Variants in STXBP5L observed in about 807,000 individuals in gnomAD.
STXBP5L encodes the protein syntaxin binding protein 5L.
STXBP5L carries 65 observed loss-of-function variants against 144.5 expected under a neutral mutation model. The observed-to-expected ratio is 0.45, with a 90% CI of 0.37 to 0.55. STXBP5L has a LOEUF of 0.55. Among genes scored for constraint, STXBP5L ranks in the 20% least tolerant of loss-of-function variants. The pLI is 0.00. For missense variants in STXBP5L, 1,298 were observed against 1,405.5 expected, an observed-to-expected ratio of 0.92 and a Z score of 1.22; for synonymous variants, 505 against 469.6, an observed-to-expected ratio of 1.08 and a Z score of -0.97.
intron 5 of STXBP5L, among the ~76,000 whole-genome samples, chr3:121,110,387 G>C (rs1019367166): frequency 6.6e-5 from 10 of 152,186 alleles, no homozygotes; most frequent in African/African-American, 2.4e-4. Flanking sequence ...TTCATATTTA[G>C]TGCTTCCTTT....
intron 19 of STXBP5L, among the ~76,000 whole-genome samples, chr3:121,295,127 A>G (rs1415262576): frequency 2.0e-5 from 3 of 152,108 alleles, no homozygotes; most frequent in Non-Finnish European, 4.4e-5. Context: ...AGAAAAGAGC[A>G]TATTTTTAAT....
intron 22 of STXBP5L, among the ~76,000 whole-genome samples, chr3:121,396,029 G>C (rs4107754): frequency 0.79 from 120,269 of 152,208 alleles, 47,655 homozygotes; most frequent in East Asian, 0.89. Context: ...CAAGCATAAC[G>C]TCTACTCCAA....
At chr3:121,292,404 G>T (rs1389645940) in intron 19 of STXBP5L, among the ~76,000 whole-genome samples, 1 of 152,112 alleles carries the variant, frequency 6.6e-6, no homozygotes. Flanking sequence ...TGTTAGCATG[G>T]ATATAGTGAA....
intron 3 of STXBP5L, among the ~76,000 whole-genome samples, chr3:121,016,135 CTA>C (rs1945132649): frequency 6.6e-6 from 1 of 152,130 alleles, no homozygotes; most frequent in South Asian, 2.1e-4. Context: ...CGTAAATACT[CTA>C]AAGGTCATTT....
At chr3:120,973,218 G>A (rs555431064) in intron 3 of STXBP5L, among the ~76,000 whole-genome samples, 1 of 152,000 alleles carries the variant, frequency 6.6e-6, no homozygotes, top group South Asian at 2.1e-4. Context: ...ATTTTCGTAG[G>A]AGATTCTTAA....
intron 9 of STXBP5L, 66 bp downstream of exon 9, chr3:121,157,693 G>A: frequency 6.5e-7 from 1 of 1,547,796 alleles, no homozygotes. Context: ...AAGTAAGAGA[G>A]ATGGTATTAA....
At chr3:121,051,903 G>C (rs1021209548) in intron 5 of STXBP5L, among the ~76,000 whole-genome samples, 2 of 151,996 alleles carry the variant, frequency 1.3e-5, no homozygotes, top group African/African-American at 4.8e-5. Context: ...TGATAAAGGG[G>C]ATATCACCAC....
intron 19 of STXBP5L, among the ~76,000 whole-genome samples, chr3:121,307,271 A>G (rs908872473): frequency 1.6e-4 from 25 of 152,206 alleles, no homozygotes; most frequent in Admixed American, 9.8e-4. Flanking sequence ...AGACTTGCAA[A>G]GAAACAAAGT....
intron 8 of STXBP5L, among the ~76,000 whole-genome samples, chr3:121,156,311 T>C (rs959991640): frequency 3.3e-5 from 5 of 152,016 alleles, no homozygotes; most frequent in Admixed American, 3.3e-4. Context: ...TTGGAAATTT[T>C]AGTTGTATGT....
At chr3:121,414,023 A>G (rs1456710484) in intron 24 of STXBP5L, among the ~76,000 whole-genome samples, 1 of 152,126 alleles carries the variant, frequency 6.6e-6, no homozygotes, top group Non-Finnish European at 1.5e-5. Flanking sequence ...TCTACTTTGG[A>G]GCATTGTTGT....
chr3:121,405,565 C>T (rs886607083), intron 22 of STXBP5L, among the ~76,000 whole-genome samples: 2 of 152,136 alleles, frequency 1.3e-5, no homozygotes, highest in Non-Finnish European at 2.9e-5. Context: ...AAGTACACTC[C>T]TAGCCAGTGA....
At chr3:121,372,604 G>T (rs779203736) in intron 20 of STXBP5L, among the ~76,000 whole-genome samples, 1 of 152,134 alleles carries the variant, frequency 6.6e-6, no homozygotes, top group Non-Finnish European at 1.5e-5. Context: ...GGAACAAGTC[G>T]TGGTGTGTGG....
Position 121,191,321 on chromosome 3 carries a change from C to T in STXBP5L, c.878-14602C>T, listed in dbSNP as rs530160884. Among the ~76,000 whole-genome samples the T allele has an allele frequency of 1.2e-3, 187 of 152,266 alleles. 1 individual carries two copies. Among genetic ancestry groups the T allele is most frequent in the African/African-American group, 4.1e-3 (172 of 41,574 alleles). ...GGGAGGCTGAGGCTGGCAGATCACT[C>T]GCGGTCAGGAGCTGGAGACCAGCCC... On this transcript the variant is annotated intron_variant, in intron 9 of 26. Coordinates refer to ENST00000471454, the MANE Select transcript of STXBP5L (RefSeq NM_001308330.2).
At chr3:121,221,117 G>A (rs1265772897) in intron 10 of STXBP5L, among the ~76,000 whole-genome samples, 1 of 151,900 alleles carries the variant, frequency 6.6e-6, no homozygotes, top group African/African-American at 2.4e-5. Context: ...GATTAAAGAT[G>A]ATAATTAAAT....
intron 2 of STXBP5L, among the ~76,000 whole-genome samples, chr3:120,921,051 A>G (rs1709336883): frequency 6.6e-6 from 1 of 151,948 alleles, no homozygotes; most frequent in South Asian, 2.1e-4. Context: ...AGGAACCTCC[A>G]TACAGTTTTC....
At chr3:121,414,456 T>C (rs1011281997) in intron 24 of STXBP5L, among the ~76,000 whole-genome samples, 4 of 152,238 alleles carry the variant, frequency 2.6e-5, no homozygotes, top group Non-Finnish European at 2.9e-5. Context: ...CTATGCCTAC[T>C]GCTACAATCA....
chr3:121,191,990 A>G (rs992466437), intron 9 of STXBP5L, among the ~76,000 whole-genome samples: 23 of 152,158 alleles, frequency 1.5e-4, no homozygotes, highest in South Asian at 2.1e-4. Context: ...AGATATACCT[A>G]ATGTAAATGA....
At chr3:121,035,470 C>T (rs550098272) in intron 3 of STXBP5L, among the ~76,000 whole-genome samples, 5 of 152,088 alleles carry the variant, frequency 3.3e-5, no homozygotes, top group African/African-American at 9.7e-5. Context: ...AAAGGATGTC[C>T]TTTCCCAGTG....
chr3:121,093,499 G>T (rs186954698), intron 5 of STXBP5L, among the ~76,000 whole-genome samples: 2,179 of 152,238 alleles, frequency 0.014, 25 homozygotes, highest in Non-Finnish European at 0.022. Context: ...GTTTAGTCTT[G>T]GGAGGGTATA....
Sources: allele counts gnomAD v4.1 joint callset (sites outside exome capture counted in the v4.1 genomes callset), GRCh38; gene constraint gnomAD v4.1.1; transcripts MANE v1.5; gene names NCBI Gene and HGNC (gene_info 2026-07-23, HGNC 2026-07-21).